The following RFX3 variants were observed in gnomAD, a reference collection of about 807,000 sequenced individuals.
The protein encoded by RFX3 is transcription factor RFX3.
Under a neutral mutation model 98.6 loss-of-function variants are expected in RFX3, and 14 were observed. The observed-to-expected ratio is 0.14, with a 90% CI of 0.09 to 0.22. RFX3 has a LOEUF of 0.22. Among genes scored for constraint, RFX3 ranks in the 10% least tolerant of loss-of-function variants. RFX3 has a pLI of 1.00. For synonymous variants in RFX3, 383 were observed against 328.4 expected (o/e 1.17, Z -1.80); for missense variants, 639 against 926.9 (o/e 0.69, Z 4.03).
intron 5 of RFX3, among the ~76,000 whole-genome samples, chr9:3,295,924 T>G (rs570709768): frequency 2.3e-4 from 35 of 151,998 alleles, no homozygotes; most frequent in Non-Finnish European, 4.4e-4. Flanking sequence ...TTAAAAAAAT[T>G]TTAATTAACC....
At chr9:3,476,233 T>C (rs548992439) in intron 1 of RFX3, among the ~76,000 whole-genome samples, 1 of 151,532 alleles carries the variant, frequency 6.6e-6, no homozygotes, top group African/African-American at 2.4e-5. Flanking sequence ...TCTATGTAGA[T>C]CTAGTATAAC....
At chr9:3,247,968 T>C (rs1750415808) in intron 15 of RFX3, 64 bp downstream of exon 15, 5 of 1,613,840 alleles carry the variant, frequency 3.1e-6, no homozygotes, top group Non-Finnish European at 4.2e-6. Context: ...GTATTTAGAC[T>C]GAAGTGTAAT....
At chr9:3,504,256 ATAAT>A (rs889396965) in intron 1 of RFX3, among the ~76,000 whole-genome samples, 2 of 132,190 alleles carry the variant, frequency 1.5e-5, no homozygotes, top group African/African-American at 2.9e-5. Context: ...TATTTTATAT[ATAAT>A]ATATACTATA....
At chr9:3,506,724 A>G (rs1817137478) in intron 1 of RFX3, among the ~76,000 whole-genome samples, 1 of 151,912 alleles carries the variant, frequency 6.6e-6, no homozygotes, top group Non-Finnish European at 1.5e-5. Context: ...ATATAAATAT[A>G]GAATGAGGTG....
intron 1 of RFX3, among the ~76,000 whole-genome samples, chr9:3,504,235 TATTA>T (rs1209399992): frequency 7.4e-6 from 1 of 134,524 alleles, no homozygotes; most frequent in African/African-American, 2.8e-5. Context: ...ATATACTATA[TATTA>T]TATATATATT....
Position 3,285,360 on chromosome 9 carries a change from A to G in RFX3, c.851+2771T>C, listed in dbSNP as rs552968405. ...ATTCAGTAGAATCATTTGAATTTTG[A>G]AATTGAAAATTTTTTTAAGCCATAA... On this transcript the variant is annotated intron_variant, in intron 7 of 16. Coordinates refer to ENST00000617270, the MANE Select transcript of RFX3 (RefSeq NM_001282116.2). Among the ~76,000 whole-genome samples the G allele has an allele frequency of 5.9e-5, 9 of 151,890 alleles. No homozygotes were observed. In the South Asian group the frequency reaches 6.2e-4, roughly 10 times the overall value.
At chr9:3,503,238 A>C (rs974522271) in intron 1 of RFX3, among the ~76,000 whole-genome samples, 1 of 152,186 alleles carries the variant, frequency 6.6e-6, no homozygotes, top group African/African-American at 2.4e-5. Context: ...TGCAAGTATA[A>C]TCATTGAACC....
chr9:3,500,043 G>C (rs1381112995), intron 1 of RFX3, among the ~76,000 whole-genome samples: 2 of 152,072 alleles, frequency 1.3e-5, no homozygotes, highest in Admixed American at 6.6e-5. Flanking sequence ...ACTACAGGAA[G>C]CAGAGTAAAA....
intron 6 of RFX3, among the ~76,000 whole-genome samples, chr9:3,289,764 A>G (rs1223025782): frequency 6.6e-6 from 1 of 152,010 alleles, no homozygotes; most frequent in Admixed American, 6.6e-5. Context: ...TAACTTGGAG[A>G]TGGGATCTAA....
intron 14 of RFX3, among the ~76,000 whole-genome samples, chr9:3,254,730 A>G (rs1395858608): frequency 6.6e-6 from 1 of 152,032 alleles, no homozygotes; most frequent in Non-Finnish European, 1.5e-5. Flanking sequence ...TCCCAAATTA[A>G]ATTTTCTAAT....
chr9:3,493,700 A>AAAAAAT (rs398010211), intron 1 of RFX3, among the ~76,000 whole-genome samples: 22 of 71,776 alleles, frequency 3.1e-4, no homozygotes, highest in African/African-American at 1.2e-3. Flanking sequence ...AAAAAAAAAA[A>AAAAAAT]ATATATATAT....
intron 1 of RFX3, among the ~76,000 whole-genome samples, chr9:3,414,635 T>C (rs1472253622): frequency 6.8e-6 from 1 of 146,484 alleles, no homozygotes; most frequent in Non-Finnish European, 1.5e-5. Context: ...CGAGTGTATA[T>C]ATATATGAGT....
At chr9:3,322,986 T>C (rs1317221413) in intron 4 of RFX3, among the ~76,000 whole-genome samples, 4 of 152,198 alleles carry the variant, frequency 2.6e-5, no homozygotes, top group Non-Finnish European at 5.9e-5. Flanking sequence ...AACTTACACT[T>C]AGTAAATTTT....
At chr9:3,453,063 A>C (rs1669904889) in intron 1 of RFX3, among the ~76,000 whole-genome samples, 1 of 152,190 alleles carries the variant, frequency 6.6e-6, no homozygotes, top group South Asian at 2.1e-4. Flanking sequence ...AACTGGAATA[A>C]CAGTACGCAC....
rs1453408246 is a variant in RFX3, at chr9:3,224,588, T to C, written c.*454A>G. On this transcript the variant is annotated 3_prime_UTR_variant, in exon 17 of 17. Transcript: ENST00000617270. ...TGAAAAGCACCTTTCAAAAGCAAAT[T>C]TGATGCATCTGCTGCCAAATGGGCA... is the stretch of plus-strand genomic sequence containing the variant. 1 of 161,106 alleles carries C rather than the reference T, an allele frequency of 6.2e-6. No homozygotes were observed. The highest frequency in any genetic ancestry group is 5.9e-5 in the Admixed American group (1 of 16,976). The allele number at this position is 161,106 out of a possible 1,614,324, so 10.0% of individuals were successfully genotyped here. A position where few individuals can be genotyped will look rare whatever the true frequency, so the allele number is the denominator to read the frequency against.
intron 4 of RFX3, among the ~76,000 whole-genome samples, chr9:3,319,803 T>C (rs1831043050): frequency 6.6e-6 from 1 of 150,620 alleles, no homozygotes; most frequent in Non-Finnish European, 1.5e-5. Flanking sequence ...AGAAGCACAG[T>C]GCCTGGTCAA....
At chr9:3,395,322 C>G in intron 2 of RFX3, 150 bp downstream of exon 2, 1 of 834,844 alleles carries the variant, frequency 1.2e-6, no homozygotes, top group Non-Finnish European at 1.9e-6. Flanking sequence ...CCAAGAAATG[C>G]TCAAGAAACA....
At chr9:3,225,358 T>C in intron 16 of RFX3, 78 bp from the exon 17 acceptor site, 3 of 1,567,310 alleles carry the variant, frequency 1.9e-6, no homozygotes, top group Non-Finnish European at 2.6e-6. Flanking sequence ...TTAGAAACAC[T>C]TTAATATAGG....
At chr9:3,450,830 T>C (rs1405136487) in intron 1 of RFX3, among the ~76,000 whole-genome samples, 1 of 152,218 alleles carries the variant, frequency 6.6e-6, no homozygotes, top group Non-Finnish European at 1.5e-5. Context: ...TTCCATTCAA[T>C]CCAGTGAACT....
Sources: allele counts gnomAD v4.1 joint callset (sites outside exome capture counted in the v4.1 genomes callset), GRCh38; gene constraint gnomAD v4.1.1; transcripts MANE v1.5; gene names NCBI Gene and HGNC (gene_info 2026-07-23, HGNC 2026-07-21).